The following SIK3 variants were observed in gnomAD, a reference collection of about 807,000 sequenced individuals.
SIK3 encodes serine/threonine-protein kinase SIK3.
In SIK3, 28 loss-of-function variants were observed where a neutral mutation model predicts 144.2. The observed-to-expected ratio is 0.19, with a 90% CI of 0.14 to 0.27. The LOEUF (loss-of-function observed/expected upper bound fraction) is 0.27. Ranked by LOEUF, SIK3 falls within the 10% of genes least tolerant of loss-of-function variation. The pLI, the probability that SIK3 is intolerant of heterozygous loss-of-function variation, is 1.00. For missense variants in SIK3, 1,319 were observed against 1,776.0 expected, an observed-to-expected ratio of 0.74 and a Z score of 4.62; for synonymous variants, 686 against 676.3, an observed-to-expected ratio of 1.01 and a Z score of -0.22.
intron 3 of SIK3, among the ~76,000 whole-genome samples, chr11:116,931,327 G>A (rs1249872360): frequency 6.6e-6 from 1 of 152,164 alleles, no homozygotes; most frequent in Non-Finnish European, 1.5e-5. Flanking sequence ...GTACATTTAG[G>A]TTCTGACCTT....
intron 1 of SIK3, among the ~76,000 whole-genome samples, chr11:116,958,104 C>A (rs1949210278): frequency 6.6e-6 from 1 of 152,108 alleles, no homozygotes; most frequent in Non-Finnish European, 1.5e-5. Flanking sequence ...AGATGAAGAA[C>A]CTAGACTAGT....
At chr11:117,024,023 A>G (rs1390934777) in intron 1 of SIK3, among the ~76,000 whole-genome samples, 1 of 152,048 alleles carries the variant, frequency 6.6e-6, no homozygotes, top group African/African-American at 2.4e-5. Flanking sequence ...CTGTAGGCCC[A>G]AAAAACTTTG....
intron 21 of SIK3, chr11:116,855,819 G>A (rs1942865605): frequency 2.6e-5 from 4 of 152,210 alleles, no homozygotes; most frequent in Admixed American, 2.6e-4. Context: ...ACTGGTAAAT[G>A]GGAATAAGAG....
At chr11:116,984,866 T>A (rs1341983604) in intron 1 of SIK3, among the ~76,000 whole-genome samples, 1 of 152,190 alleles carries the variant, frequency 6.6e-6, no homozygotes, top group Admixed American at 6.5e-5. Context: ...CCTGAGATAT[T>A]TTCCTAGCCT....
intron 1 of SIK3, among the ~76,000 whole-genome samples, chr11:117,023,609 C>CAAAAAAA (rs71469123): frequency 1.9e-4 from 10 of 51,992 alleles, no homozygotes; most frequent in African/African-American, 7.5e-4. Context: ...AACAAACAAA[C>CAAAAAAA]AAAAAAAAAA....
Position 116,853,043 on chromosome 11 carries a change from T to A in SIK3, c.3656-3760A>T, listed in dbSNP as rs1942591922. On this transcript the variant is annotated intron_variant, in intron 21 of 24. Coordinates refer to ENST00000445177, the MANE Select transcript of SIK3 (RefSeq NM_001366686.3). ...GACCAGGGGATCAGAAAACTTGAAG[T>A]CAGGACCCAGCTCCCTCACCAGCAA... Among the ~76,000 whole-genome samples, 3 of 152,270 alleles carry A rather than the reference T, an allele frequency of 2.0e-5. No homozygotes were observed. In the South Asian group the frequency reaches 6.2e-4, roughly 32 times the overall value.
intron 1 of SIK3, among the ~76,000 whole-genome samples, chr11:116,984,767 A>G (rs1950269466): frequency 6.6e-6 from 1 of 152,184 alleles, no homozygotes; most frequent in Non-Finnish European, 1.5e-5. Context: ...CCATACCAAC[A>G]AAATACCAAG....
chr11:116,868,722 C>T (rs1362417099), intron 14 of SIK3: 1 of 152,372 alleles, frequency 6.6e-6, no homozygotes, highest in Non-Finnish European at 1.5e-5. Flanking sequence ...GAAATAAAAC[C>T]ACATGAAATG....
intron 1 of SIK3, among the ~76,000 whole-genome samples, chr11:116,958,097 T>C (rs999840183): frequency 5.3e-5 from 8 of 152,214 alleles, no homozygotes; most frequent in African/African-American, 1.7e-4. Context: ...ACTGGTTAGA[T>C]GAAGAACCTA....
At chr11:116,937,113 T>A (rs1392674720) in intron 3 of SIK3, among the ~76,000 whole-genome samples, 1 of 152,226 alleles carries the variant, frequency 6.6e-6, no homozygotes, top group East Asian at 1.9e-4. Context: ...TTGTGTGTCT[T>A]CCCTCCTAGC....
intron 1 of SIK3, among the ~76,000 whole-genome samples, chr11:116,977,437 G>A (rs1325726002): frequency 6.6e-6 from 1 of 152,048 alleles, no homozygotes; most frequent in East Asian, 1.9e-4. Flanking sequence ...GGAAGTTCTG[G>A]CCCTCGCCTC....
intron 3 of SIK3, among the ~76,000 whole-genome samples, chr11:116,940,998 G>GT (rs1418439947): frequency 6.6e-6 from 1 of 151,948 alleles, no homozygotes; most frequent in Non-Finnish European, 1.5e-5. Flanking sequence ...TTGTTTGTTT[G>GT]TTTGTTTGTT....
intron 3 of SIK3, among the ~76,000 whole-genome samples, chr11:116,944,710 G>A (rs911887316): frequency 2.6e-5 from 4 of 152,116 alleles, no homozygotes; most frequent in Non-Finnish European, 4.4e-5. Flanking sequence ...AAACCAAACC[G>A]GGAGTATATT....
chr11:116,987,038 T>C (rs1950346714), intron 1 of SIK3, among the ~76,000 whole-genome samples: 1 of 152,176 alleles, frequency 6.6e-6, no homozygotes, highest in Non-Finnish European at 1.5e-5. Flanking sequence ...TCCTGGAGAT[T>C]GATTGCACAA....
chr11:117,098,180 A>G lies in SIK3; in HGVS notation c.236T>C (p.Val79Ala). Residue 79 changes from valine to alanine, a missense_variant, in exon 1 of 25, where the codon GTG becomes GCG. Physicochemically the swap from Val to Ala is moderately conservative, Grantham distance 64. This residue lies in a region of SIK3 where 125 missense variants were observed against 285.2 expected (regional missense o/e 0.44). Transcript: ENST00000445177. ...GACGAGGTGCGTGGCCCGCTTGACC[A>G]CCGCGAAGTTGCCCTTGCCGATGGT... ...DRTIGKGNFAVVKRATHLVTK... is the reference protein window; with the variant it reads ...DRTIGKGNFAAVKRATHLVTK... 1 of 1,515,158 alleles carries G rather than the reference A, an allele frequency of 6.6e-7. No homozygotes were observed. Among genetic ancestry groups the G allele is most frequent in the Non-Finnish European group, 8.8e-7 (1 of 1,131,378 alleles). The allele number at this position is 1,515,158 out of a possible 1,614,324, so 93.9% of individuals were successfully genotyped here. A position where few individuals can be genotyped will look rare whatever the true frequency, so the allele number is the denominator to read the frequency against.
At chr11:116,946,275 T>C (rs1201885767) in intron 3 of SIK3, among the ~76,000 whole-genome samples, 2 of 152,170 alleles carry the variant, frequency 1.3e-5, no homozygotes, top group Non-Finnish European at 2.9e-5. Context: ...GATCTCACCA[T>C]TTCTGCAAGC....
chr11:116,866,357 C>T (rs1365448855), intron 15 of SIK3, among the ~76,000 whole-genome samples: 1 of 151,286 alleles, frequency 6.6e-6, no homozygotes, highest in Non-Finnish European at 1.5e-5. Flanking sequence ...TATTAGATAC[C>T]AGTGTAGAGC....
At chr11:117,067,935 G>C (rs1279445315) in intron 1 of SIK3, among the ~76,000 whole-genome samples, 2 of 152,048 alleles carry the variant, frequency 1.3e-5, no homozygotes, top group African/African-American at 2.4e-5. Context: ...AGTGAGCCGA[G>C]ATCGCGCCAC....
chr11:117,014,910 G>T (rs1951453826), intron 1 of SIK3, among the ~76,000 whole-genome samples: 1 of 151,934 alleles, frequency 6.6e-6, no homozygotes, highest in African/African-American at 2.4e-5. Flanking sequence ...CTAAAAATAT[G>T]AAAATTAGCC....
Sources: gnomAD v4.1 joint callset for allele counts (sites outside exome capture counted in the v4.1 genomes callset) on GRCh38, gnomAD v4.1.1 for gene constraint, gnomAD v4.1.1 regional missense constraint, MANE v1.5 for transcripts, NCBI Gene and HGNC (gene_info 2026-07-23, HGNC 2026-07-21) for gene names.